CTNNA2: variants seen among roughly 807,000 people sequenced by gnomAD.
CTNNA2 encodes the protein catenin alpha 2.
CTNNA2 carries 42 observed loss-of-function variants against 101.0 expected under a neutral mutation model. That is an observed-to-expected ratio of 0.42 (90% CI 0.32 to 0.54). CTNNA2 has a LOEUF of 0.54. Among genes scored for constraint, CTNNA2 ranks in the 20% least tolerant of loss-of-function variants. CTNNA2 has a pLI of 0.14. For missense variants in CTNNA2, 871 were observed against 1,223.1 expected (o/e 0.71, Z 4.29); for synonymous variants, 450 against 456.4 (o/e 0.99, Z 0.18).
At chr2:79,825,140 G>A (rs1286872426) in intron 3 of CTNNA2, among the ~76,000 whole-genome samples, 1 of 152,150 alleles carries the variant, frequency 6.6e-6, no homozygotes, top group Non-Finnish European at 1.5e-5. Context: ...CGGAAGCTAG[G>A]ATTGTGCCAC....
intron 6 of CTNNA2, among the ~76,000 whole-genome samples, chr2:79,906,315 C>A (rs1211524167): frequency 6.8e-6 from 1 of 147,830 alleles, no homozygotes; most frequent in South Asian, 2.1e-4. Flanking sequence ...CACACACAGA[C>A]ACACACCCAC....
At chr2:80,627,901 CA>C (rs1307610000) in intron 18 of CTNNA2, among the ~76,000 whole-genome samples, 2 of 152,026 alleles carry the variant, frequency 1.3e-5, no homozygotes, top group East Asian at 3.9e-4. Flanking sequence ...AGCTGATAAG[CA>C]ACTTCAGCAA....
intron 7 of CTNNA2, among the ~76,000 whole-genome samples, chr2:80,153,900 TAAG>T (rs1471831800): frequency 2.6e-5 from 4 of 152,164 alleles, no homozygotes; most frequent in Non-Finnish European, 5.9e-5. Context: ...TATAGTGTAA[TAAG>T]AACACAAATT....
chr2:79,819,978 C>A (rs1043049244), intron 3 of CTNNA2, among the ~76,000 whole-genome samples: 25 of 151,910 alleles, frequency 1.6e-4, no homozygotes, highest in Non-Finnish European at 7.4e-5. Context: ...CAAAAACAAG[C>A]AATCTCATGT....
chr2:80,419,329 A>G, intron 8 of CTNNA2, 120 bp from the exon 9 acceptor site: 1 of 769,492 alleles, frequency 1.3e-6, no homozygotes, highest in Non-Finnish European at 2.0e-6. Flanking sequence ...AAAATTTTAA[A>G]AAGAAAATAG....
intron 9 of CTNNA2, among the ~76,000 whole-genome samples, chr2:80,436,595 C>T (rs1445106914): frequency 6.6e-6 from 1 of 152,018 alleles, no homozygotes; most frequent in African/African-American, 2.4e-5. Flanking sequence ...AACAAAATAC[C>T]TTAGACTGGG....
chr2:79,833,070 CAG>C (rs762109276), intron 3 of CTNNA2, among the ~76,000 whole-genome samples: 1 of 152,262 alleles, frequency 6.6e-6, no homozygotes, highest in Admixed American at 6.5e-5. Context: ...CAAATACAAA[CAG>C]AAAGAATGTA....
intron 3 of CTNNA2, among the ~76,000 whole-genome samples, chr2:79,356,772 A>T (rs76239717): frequency 6.6e-6 from 1 of 152,210 alleles, no homozygotes; most frequent in Non-Finnish European, 1.5e-5. Flanking sequence ...ACCATCCAGA[A>T]CACTACTTTC....
At chr2:80,643,470 T>TA (rs1673708924) in intron 18 of CTNNA2, among the ~76,000 whole-genome samples, 2 of 152,198 alleles carry the variant, frequency 1.3e-5, no homozygotes, top group African/African-American at 4.8e-5. Flanking sequence ...TATGCCCTTG[T>TA]TTTTAAACTA....
chr2:80,064,620 G>C (rs565547755), intron 7 of CTNNA2, among the ~76,000 whole-genome samples: 6 of 152,334 alleles, frequency 3.9e-5, no homozygotes, highest in African/African-American at 1.4e-4. Flanking sequence ...TAGGTACCCA[G>C]CTGTTGGTCA....
intron 12 of CTNNA2, among the ~76,000 whole-genome samples, chr2:80,556,792 G>A (rs1337522595): frequency 2.0e-5 from 3 of 152,314 alleles, no homozygotes; most frequent in East Asian, 1.9e-4. Flanking sequence ...CATTGGATAA[G>A]GTTGTTAATG....
chr2:79,262,268 A>G (rs752293251), intron 2 of CTNNA2, among the ~76,000 whole-genome samples: 20 of 152,198 alleles, frequency 1.3e-4, no homozygotes, highest in Non-Finnish European at 2.5e-4. Flanking sequence ...TATGCCATGA[A>G]AAGTGTTTTT....
intron 9 of CTNNA2, among the ~76,000 whole-genome samples, chr2:80,470,222 C>G (rs1392383605): frequency 6.6e-6 from 1 of 152,178 alleles, no homozygotes; most frequent in Non-Finnish European, 1.5e-5. Context: ...ACCACTTTCT[C>G]TTGAGGCAGA....
At chr2:79,318,911 C>T (rs1166539202) in intron 3 of CTNNA2, among the ~76,000 whole-genome samples, 3 of 152,194 alleles carry the variant, frequency 2.0e-5, no homozygotes, top group Non-Finnish European at 4.4e-5. Context: ...AAAGAAAATG[C>T]TAACCTCTTC....
intron 7 of CTNNA2, among the ~76,000 whole-genome samples, chr2:79,932,757 T>C (rs1261054867): frequency 6.6e-6 from 1 of 152,226 alleles, no homozygotes; most frequent in Non-Finnish European, 1.5e-5. Flanking sequence ...AACTAGATCC[T>C]CAAACTTTTC....
At chr2:79,335,773 A>C (rs2104422683) in intron 3 of CTNNA2, among the ~76,000 whole-genome samples, 1 of 152,350 alleles carries the variant, frequency 6.6e-6, no homozygotes, top group Admixed American at 6.5e-5. Flanking sequence ...TTTAGGAAAG[A>C]ACAGCTCAAT....
chr2:80,623,148 T>G (rs575954010), intron 18 of CTNNA2, among the ~76,000 whole-genome samples: 1 of 151,394 alleles, frequency 6.6e-6, no homozygotes, highest in South Asian at 2.1e-4. Flanking sequence ...TCCTCCTAAG[T>G]GTCTCTGGAG....
chr2:79,878,102 T>A (rs1471108138), intron 6 of CTNNA2, among the ~76,000 whole-genome samples: 3 of 152,200 alleles, frequency 2.0e-5, no homozygotes, highest in Non-Finnish European at 4.4e-5. Context: ...TTGCTGAGGA[T>A]GATGGCTTCC....
intron 7 of CTNNA2, among the ~76,000 whole-genome samples, chr2:80,254,251 T>A (rs1671973761): frequency 6.6e-6 from 1 of 152,188 alleles, no homozygotes; most frequent in Non-Finnish European, 1.5e-5. Flanking sequence ...ACTCATATAT[T>A]ATGTGCATTC....
Sources: gnomAD v4.1 joint callset for allele counts (sites outside exome capture counted in the v4.1 genomes callset) on GRCh38, gnomAD v4.1.1 for gene constraint, MANE v1.5 for transcripts, NCBI Gene and HGNC (gene_info 2026-07-23, HGNC 2026-07-21) for gene names.